IARS1: variants seen among roughly 807,000 people sequenced by gnomAD.
IARS1 encodes the protein isoleucine--tRNA ligase, cytoplasmic.
Under a neutral mutation model 168.2 loss-of-function variants are expected in IARS1, and 124 were observed. The observed-to-expected ratio is 0.74, with a 90% confidence interval of 0.64 to 0.86. The LOEUF (loss-of-function observed/expected upper bound fraction) is 0.86. Among genes scored for constraint, IARS1 ranks in the 40% least tolerant of loss-of-function variants. IARS1 has a pLI of 0.00. For synonymous variants in IARS1, 532 were observed against 529.4 expected (o/e 1.00, Z -0.07); for missense variants, 1,452 against 1,515.8 (o/e 0.96, Z 0.70).
intron 8 of IARS1, 30 bp from the exon 9 acceptor site, chr9:92,277,953 T>A: frequency 6.3e-7 from 1 of 1,598,446 alleles, no homozygotes; most frequent in South Asian, 1.1e-5. Context: ...AACTCACAAT[T>A]AGATTAAAAT....
At position 92,210,755 on chromosome 9, in the gene IARS1, G is replaced by C; in HGVS notation, c.*52C>G. ...TGTGTCTATGTGCATGTATGTGTAGGGGATAGGTGTAATTAGGGAAGGGCT... is the reference window on the plus strand; with the variant it reads ...TGTGTCTATGTGCATGTATGTGTAGCGGATAGGTGTAATTAGGGAAGGGCT... On this transcript the variant is annotated 3_prime_UTR_variant, in exon 34 of 34. Transcript: ENST00000443024. 2 of 1,005,268 alleles carry C rather than the reference G, an allele frequency of 2.0e-6. No homozygotes were observed. Among genetic ancestry groups the C allele is most frequent in the South Asian group, 2.5e-5 (2 of 78,522 alleles). The allele number at this position is 1,005,268 out of a possible 1,614,324, so 62.3% of individuals were successfully genotyped here.
chr9:92,284,316 T>C (rs1422056145), intron 6 of IARS1, among the ~76,000 whole-genome samples: 1 of 152,222 alleles, frequency 6.6e-6, no homozygotes, highest in Non-Finnish European at 1.5e-5. Flanking sequence ...TGAAATAATA[T>C]GATATCTGGA....
intron 10 of IARS1, among the ~76,000 whole-genome samples, chr9:92,272,864 CAAAAAAA>C (rs869076663): frequency 3.0e-4 from 17 of 57,078 alleles, no homozygotes; most frequent in South Asian, 9.5e-4. Flanking sequence ...CAAAACAAAA[CAAAAAAA>C]AAAAAAAAAA....
intron 20 of IARS1, among the ~76,000 whole-genome samples, chr9:92,255,819 A>C (rs1047210256): frequency 4.6e-5 from 7 of 152,336 alleles, no homozygotes; most frequent in African/African-American, 1.7e-4. Flanking sequence ...TGATGGCACA[A>C]TGGGGTGATT....
At chr9:92,212,545 G>A (rs1057168675) in intron 33 of IARS1, among the ~76,000 whole-genome samples, 1 of 152,188 alleles carries the variant, frequency 6.6e-6, no homozygotes, top group Non-Finnish European at 1.5e-5. Flanking sequence ...GTTCAATCAT[G>A]CCACTGCATT....
intron 18 of IARS1, 69 bp downstream of exon 18, chr9:92,260,082 A>G (rs1831300112): frequency 9.8e-7 from 1 of 1,019,728 alleles, no homozygotes; most frequent in African/African-American, 1.6e-5. Context: ...AAGAATACTG[A>G]TTAATAGTAT....
chr9:92,275,432 C>G (rs532371994), intron 9 of IARS1, among the ~76,000 whole-genome samples: 1 of 152,134 alleles, frequency 6.6e-6, no homozygotes, highest in Non-Finnish European at 1.5e-5. Context: ...TCACAGCACT[C>G]GGTTTCTTTG....
intron 22 of IARS1, 145 bp downstream of exon 22, chr9:92,251,663 C>T: frequency 1.6e-6 from 1 of 610,574 alleles, no homozygotes; most frequent in Non-Finnish European, 2.9e-6. Flanking sequence ...TGATAAGGAA[C>T]TAGAGCTATA....
At chr9:92,244,007 G>T (rs765166625) in intron 27 of IARS1, among the ~76,000 whole-genome samples, 1 of 152,152 alleles carries the variant, frequency 6.6e-6, no homozygotes, top group Non-Finnish European at 1.5e-5. Flanking sequence ...TGAGTAAACA[G>T]AGAAGTTAAG....
At chr9:92,285,390 C>T (rs969491793) in intron 6 of IARS1, among the ~76,000 whole-genome samples, 4 of 152,134 alleles carry the variant, frequency 2.6e-5, no homozygotes, top group Non-Finnish European at 5.9e-5. Context: ...CATAAAATTA[C>T]TCAACCCTTA....
chr9:92,217,013 A>G (rs2133349166), intron 33 of IARS1, among the ~76,000 whole-genome samples: 1 of 150,094 alleles, frequency 6.7e-6, no homozygotes, highest in Middle Eastern at 3.4e-3. Context: ...AATTGACCAC[A>G]TACTTGGAAG....
At chr9:92,289,517 C>T (rs72750465) in intron 1 of IARS1, 91 bp from the exon 2 acceptor site, 27,152 of 687,258 alleles carry the variant, frequency 0.04, 730 homozygotes, top group South Asian at 0.073. Context: ...ATGACACTAT[C>T]CATACTTTTA....
At chr9:92,211,195 T>C (rs1837688030) in intron 33 of IARS1, among the ~76,000 whole-genome samples, 1 of 152,192 alleles carries the variant, frequency 6.6e-6, no homozygotes, top group Non-Finnish European at 1.5e-5. Flanking sequence ...TCACATGGTA[T>C]ATCAGTTGAG....
intron 10 of IARS1, among the ~76,000 whole-genome samples, chr9:92,274,066 G>C (rs970402191): frequency 1.3e-5 from 2 of 152,120 alleles, no homozygotes; most frequent in East Asian, 3.8e-4. Flanking sequence ...ATTAACTGTA[G>C]AGTACTGTTT....
chr9:92,251,023 G>A (rs1360156435), intron 22 of IARS1, 189 bp from the exon 23 acceptor site: 19 of 653,292 alleles, frequency 2.9e-5, no homozygotes, highest in Non-Finnish European at 4.7e-5. Flanking sequence ...CTGCAGGACT[G>A]TAGATAGAAA....
At chr9:92,238,681 C>A (rs1440273643) in intron 30 of IARS1, among the ~76,000 whole-genome samples, 1 of 152,056 alleles carries the variant, frequency 6.6e-6, no homozygotes, top group Non-Finnish European at 1.5e-5. Context: ...TTTAGAGTTC[C>A]ATTTTTTATT....
intron 27 of IARS1, 126 bp downstream of exon 27, chr9:92,244,833 C>G: frequency 1.5e-6 from 1 of 676,384 alleles, no homozygotes. Context: ...CAATCTAAAC[C>G]AAGTAACTGG....
At chr9:92,242,087 G>A (rs1828501771) in intron 29 of IARS1, 67 bp downstream of exon 29, 12 of 1,205,104 alleles carry the variant, frequency 1.0e-5, no homozygotes, top group East Asian at 4.6e-5. Context: ...ATATCAACAC[G>A]TGAGTACACA....
chr9:92,293,545 G>C, intron 1 of IARS1, 66 bp downstream of exon 1: 1 of 508,176 alleles, frequency 2.0e-6, no homozygotes, highest in Non-Finnish European at 4.0e-6. Flanking sequence ...CTACTGTTTC[G>C]GGGTTGTAAC....
Sources: gnomAD v4.1 joint callset for allele counts (sites outside exome capture counted in the v4.1 genomes callset) on GRCh38, gnomAD v4.1.1 for gene constraint, MANE v1.5 for transcripts, NCBI Gene and HGNC (gene_info 2026-07-23, HGNC 2026-07-21) for gene names.